The following PRDM12 variants were observed in gnomAD, a reference collection of about 807,000 sequenced individuals.
PRDM12 encodes PR domain zinc finger protein 12.
In PRDM12, 17 loss-of-function variants were observed where a neutral mutation model predicts 29.6. That is an observed-to-expected ratio of 0.57 (90% CI 0.39 to 0.86). The LOEUF is 0.86. Ranked by LOEUF, PRDM12 falls within the 40% of genes least tolerant of loss-of-function variation. The pLI is 0.00. For missense variants in PRDM12, 422 were observed against 510.8 expected, an observed-to-expected ratio of 0.83 and a Z score of 1.68; for synonymous variants, 231 against 225.8, an observed-to-expected ratio of 1.02 and a Z score of -0.21.
chr9:130,671,359 A>AC (rs1352419467), intron 3 of PRDM12, among the ~76,000 whole-genome samples: 4 of 148,418 alleles, frequency 2.7e-5, no homozygotes, highest in South Asian at 2.2e-4. Flanking sequence ...AACAACAACA[A>AC]AAAAAGAGGA....
In PRDM12 at chr9:130,664,876, G is replaced by A; in HGVS notation, c.223G>A (p.Glu75Lys). The change falls in exon 1 of 5, where the codon GAA (glutamate) becomes AAA (lysine). Residue 75 changes from glutamate to lysine, a missense_variant and splice_region_variant. Coordinates refer to ENST00000253008, the MANE Select transcript of PRDM12 (RefSeq NM_021619.3). The surrounding 1 kb of genome is among the most constrained non-coding windows in gnomAD (Gnocchi z 6.4). Reference sequence around the variant, plus strand: ...GGTGCTGGCGCAGTCCTTCTCCGGCGGTGAGTCCAGCCGTCGGAGCCCGGC... The same window carrying A: ...GGTGCTGGCGCAGTCCTTCTCCGGCAGTGAGTCCAGCCGTCGGAGCCCGGC... Reference protein sequence around the residue: ...AEVLAQSFSGEVQKLSSLVLP... With the variant: ...AEVLAQSFSGKVQKLSSLVLP... 3 of 1,535,294 alleles carry A rather than the reference G, an allele frequency of 2.0e-6. No homozygotes were observed. Among genetic ancestry groups the A allele is most frequent in the East Asian group, 2.5e-5 (1 of 40,534 alleles).
rs774207400 is a variant in PRDM12 at position 130,664,624 on chromosome 9, C to A, written c.-30C>A. 4.0e-6 allele frequency: 6 copies of A among 1,485,830 alleles called. No individual in the cohort carries two copies. Among genetic ancestry groups the A allele is most frequent in the Non-Finnish European group, 2.7e-6 (3 of 1,116,002 alleles). The allele number at this position is 1,485,830 out of a possible 1,614,324, so 92.0% of individuals were successfully genotyped here. ...CCACCTCCCCCGTCGGCCCGGCCGT[C>A]CCCCGGCGCCGGGGAGCTCCGGGCC... On this transcript the variant is annotated 5_prime_UTR_variant, in exon 1 of 5. Transcript: ENST00000253008. The surrounding 1 kb of genome is among the most constrained non-coding windows in gnomAD (Gnocchi z 6.4).
chr9:130,680,657 A>ATTTTTTT (rs1399560598), intron 4 of PRDM12, among the ~76,000 whole-genome samples: 2 of 87,498 alleles, frequency 2.3e-5, no homozygotes, highest in African/African-American at 1.4e-4. Flanking sequence ...ATATATATAT[A>ATTTTTTT]TATTTTTTTT....
rs773010364 is a variant in PRDM12 at position 130,681,560 on chromosome 9, C to T, written c.995C>T (p.Ala332Val). Reference sequence around the variant, plus strand: ...CGGCCGCCCAGCACCGCGCTGCAGGCACACTCGCCCGCGCTGCCCGCCCCG... The same window carrying T: ...CGGCCGCCCAGCACCGCGCTGCAGGTACACTCGCCCGCGCTGCCCGCCCCG... ...RHRPPSTALQ[A>V]HSPALPAPHA... The change falls in exon 5 of 5, where the codon GCA becomes GTA. Residue 332 changes from alanine to valine, a missense_variant. Ala to Val is a moderately conservative substitution (Grantham distance 64, BLOSUM62 0). Coordinates refer to ENST00000253008, the MANE Select transcript of PRDM12 (RefSeq NM_021619.3). This position sits in a 1 kb window ranked among gnomAD's most constrained non-coding sequence, Gnocchi z 8.1. The T allele has an allele frequency of 5.6e-5, 68 of 1,224,228 alleles. No individual in the cohort carries two copies. The highest frequency in any genetic ancestry group is 6.2e-4 in the Middle Eastern group (2 of 3,210). The allele number at this position is 1,224,228 out of a possible 1,614,324, so 75.8% of individuals were successfully genotyped here.
At chr9:130,676,925 T>C (rs1410551788) in intron 3 of PRDM12, among the ~76,000 whole-genome samples, 1 of 150,756 alleles carries the variant, frequency 6.6e-6, no homozygotes, top group African/African-American at 2.5e-5. Context: ...TTTTTTTTCC[T>C]TGAGACAGGG....
At chr9:130,669,704 T>C (rs1193112119) in intron 3 of PRDM12, among the ~76,000 whole-genome samples, 1 of 147,866 alleles carries the variant, frequency 6.8e-6, no homozygotes, top group Non-Finnish European at 1.5e-5. Context: ...TAGTCCCAGC[T>C]ACTCGGGAGG....
rs1460410217 is a variant in PRDM12 at position 130,668,050 on chromosome 9, C to G, written c.415-108C>G. The G allele has an allele frequency of 2.9e-6, 4 of 1,376,832 alleles. No homozygotes were observed. The highest frequency in any genetic ancestry group is 4.0e-6 in the Non-Finnish European group (4 of 1,000,066). 85.3% of individuals were successfully genotyped at this position (1,376,832 alleles called of 1,614,324 possible). A position where few individuals can be genotyped will look rare whatever the true frequency, so the allele number is the denominator to read the frequency against. The stretch of plus-strand genomic sequence containing the variant: ...CAGTGGGAAAATGAAGCTTTATCCA[C>G]TTCCTGGGGCTGTTGTGAGGATGGA... On this transcript the variant is annotated intron_variant, in intron 2 of 4. Transcript: ENST00000253008. This position sits in a 1 kb window ranked among gnomAD's most constrained non-coding sequence, Gnocchi z 4.0.
chr9:130,675,332 G>A (rs1588187558), intron 3 of PRDM12, among the ~76,000 whole-genome samples: 1 of 152,364 alleles, frequency 6.6e-6, no homozygotes, highest in Middle Eastern at 3.4e-3. Context: ...CCACATCTGT[G>A]CTGGAGGAGT....
At chr9:130,676,675 C>T (rs890811998) in intron 3 of PRDM12, among the ~76,000 whole-genome samples, 2 of 152,120 alleles carry the variant, frequency 1.3e-5, no homozygotes, top group African/African-American at 4.8e-5. Flanking sequence ...CTAATCTGTC[C>T]ACTTTCTTGG....
intron 2 of PRDM12, among the ~76,000 whole-genome samples, chr9:130,667,593 T>C (rs961402964): frequency 6.6e-6 from 1 of 151,786 alleles, no homozygotes; most frequent in African/African-American, 2.4e-5. Context: ...CCCAGAGGCC[T>C]CTCTTGACCT....
chr9:130,680,634 A>ATAT (rs1554753095), intron 4 of PRDM12, among the ~76,000 whole-genome samples: 16 of 88,488 alleles, frequency 1.8e-4, no homozygotes, highest in African/African-American at 4.0e-4. Context: ...AAAAAAAAAA[A>ATAT]ATATATATAT....
chr9:130,680,993 T>C (rs1372872107), intron 4 of PRDM12, among the ~76,000 whole-genome samples: 1 of 152,108 alleles, frequency 6.6e-6, no homozygotes, highest in East Asian at 1.9e-4. Context: ...GAGGTTTAGC[T>C]AGGCTGAGTC....
chr9:130,680,281 G>A (rs1830881716), intron 4 of PRDM12, among the ~76,000 whole-genome samples: 1 of 151,960 alleles, frequency 6.6e-6, no homozygotes, highest in Non-Finnish European at 1.5e-5. Flanking sequence ...AGGCTACAGT[G>A]AGCTGAGATG....
At chr9:130,674,500 G>GTGTT (rs1830818243) in intron 3 of PRDM12, among the ~76,000 whole-genome samples, 1 of 146,228 alleles carries the variant, frequency 6.8e-6, no homozygotes, top group African/African-American at 2.6e-5. Flanking sequence ...ATTTGTGTGT[G>GTGTT]TGTGTGTGTG....
chr9:130,668,389 T>C lies in PRDM12; in HGVS notation c.570+76T>C, dbSNP rs1020114365. 3 of 1,591,170 alleles carry C rather than the reference T, an allele frequency of 1.9e-6. No homozygotes were observed. The highest frequency in any genetic ancestry group is 2.6e-6 in the Non-Finnish European group (3 of 1,165,230). ...CGGGGGGAGGTGTGCAGGGCAGCGG[T>C]GTCCAGGAACCACAGTGGACAGAGG... is the stretch of plus-strand genomic sequence containing the variant. On this transcript the variant is annotated intron_variant, in intron 3 of 4. Transcript: ENST00000253008. The surrounding 1 kb of genome is among the most constrained non-coding windows in gnomAD (Gnocchi z 4.0).
chr9:130,664,609 C>A lies in PRDM12; in HGVS notation c.-45C>A. On this transcript the variant is annotated 5_prime_UTR_variant, in exon 1 of 5. Transcript: ENST00000253008. This position sits in a 1 kb window ranked among gnomAD's most constrained non-coding sequence, Gnocchi z 6.4. The stretch of plus-strand genomic sequence containing the variant: ...TCCCCTCTCGCCCGCCCACCTCCCC[C>A]GTCGGCCCGGCCGTCCCCCGGCGCC... The A allele has an allele frequency of 6.9e-7, 1 of 1,456,026 alleles. No individual in the cohort carries two copies. The highest frequency in any genetic ancestry group is 9.1e-7 in the Non-Finnish European group (1 of 1,098,384). The allele number at this position is 1,456,026 out of a possible 1,614,324, so 90.2% of individuals were successfully genotyped here.
At chr9:130,666,468 C>T (rs1044757629) in intron 1 of PRDM12, 140 bp from the exon 2 acceptor site, 5 of 1,087,966 alleles carry the variant, frequency 4.6e-6, no homozygotes, top group East Asian at 2.9e-5. Flanking sequence ...CCTCCACACC[C>T]GGGTGGCTTC....
At chr9:130,675,465 C>T (rs1230473908) in intron 3 of PRDM12, among the ~76,000 whole-genome samples, 2 of 152,158 alleles carry the variant, frequency 1.3e-5, no homozygotes, top group East Asian at 1.9e-4. Context: ...CCTCAGTCAC[C>T]CTGGGCTTCC....
rs1419597231 is a variant in PRDM12 at position 130,664,767 on chromosome 9, C to T, written c.114C>T (p.Tyr38=). The change falls in exon 1 of 5, where the codon TAC becomes TAT. Residue 38 remains tyrosine (Y), a synonymous_variant. Coordinates refer to ENST00000253008, the MANE Select transcript of PRDM12 (RefSeq NM_021619.3). The surrounding 1 kb of genome is among the most constrained non-coding windows in gnomAD (Gnocchi z 6.4). ...CCGACATCCTGCACAGCTTCCTGTA[C>T]GGCCGCTGGCGCAACGTGCTCGGGG... The part of the protein sequence containing the change: ...ITSDILHSFL[Y]GRWRNVLGEQ... 24 of 1,607,888 alleles carry T rather than the reference C, an allele frequency of 1.5e-5. No homozygotes were observed. The highest frequency in any genetic ancestry group is 2.0e-5 in the Non-Finnish European group (23 of 1,178,518).
Sources: gnomAD v4.1 joint callset for allele counts (sites outside exome capture counted in the v4.1 genomes callset) on GRCh38, gnomAD v4.1.1 for gene constraint, Gnocchi (gnomAD v3.1) non-coding constraint, MANE v1.5 for transcripts, NCBI Gene and HGNC (gene_info 2026-07-23, HGNC 2026-07-21) for gene names.